Variants in ATP13A2 observed in about 807,000 individuals in gnomAD.
ATP13A2 encodes ATPase cation transporting 13A2.
Under a neutral mutation model 138.3 loss-of-function variants are expected in ATP13A2, and 83 were observed. The ratio of observed to expected loss-of-function variants is 0.60; its 90% CI spans 0.50 to 0.72. The LOEUF is 0.72. Among genes scored for constraint, ATP13A2 ranks in the 30% least tolerant of loss-of-function variants. The pLI is 0.00. For missense variants in ATP13A2, 1,402 were observed against 1,606.4 expected, an observed-to-expected ratio of 0.87 and a Z score of 2.17; for synonymous variants, 663 against 699.0, an observed-to-expected ratio of 0.95 and a Z score of 0.81.
At chr1:16,992,782 C>T (rs938765896) in intron 16 of ATP13A2, among the ~76,000 whole-genome samples, 1 of 152,266 alleles carries the variant, frequency 6.6e-6, no homozygotes, top group Non-Finnish European at 1.5e-5. Context: ...CACTCCAAAT[C>T]TCCCAGCCTC....
Position 16,986,306 on chromosome 1 carries a change from C to A in ATP13A2, c.3458G>T (p.Arg1153Leu). The change falls in exon 29 of 29, where the codon CGG (arginine) becomes CTG (leucine). Residue 1153 changes from arginine (R) to leucine (L), a missense_variant. By Grantham distance (102) the Arg-to-Leu change is moderately radical (BLOSUM62 -2). Transcript: ENST00000326735. The surrounding 1 kb of genome is among the most constrained non-coding windows in gnomAD (Gnocchi z 6.9). The part of the protein sequence containing the change: ...PACLRRLRPK[R>L]ASKKRFKQLE... ...CTGCTTGAAGCGCTTCTTGGAGGCC[C>A]GCTTGGGCCGGAGGCGGCGCAGGCA... is the stretch of plus-strand genomic sequence containing the variant. 1 of 1,594,276 alleles carries A rather than the reference C, an allele frequency of 6.3e-7. No homozygotes were observed. The highest frequency in any genetic ancestry group is 8.5e-7 in the Non-Finnish European group (1 of 1,171,652).
rs1377382460 is a variant in ATP13A2 at position 16,988,329 on chromosome 1, C to A, written c.2755G>T (p.Val919Phe). Residue 919 changes from valine to phenylalanine, a missense_variant, in exon 24 of 29, where the codon GTC becomes TTC. By Grantham distance (50) the Val-to-Phe change is conservative. Coordinates refer to ENST00000326735, the MANE Select transcript of ATP13A2 (RefSeq NM_022089.4). The stretch of plus-strand genomic sequence containing the variant: ...GGTCCCTGCCTGCCTTACCTGATGA[C>A]CATGGGCACGCACTCAATACTGGCC... ...SMASIECVPM[V>F]IREGRCSLDT... The A allele has an allele frequency of 6.2e-7, 1 of 1,614,228 alleles. No individual in the cohort carries two copies. The highest frequency in any genetic ancestry group is 1.1e-5 in the South Asian group (1 of 91,090).
chr1:17,004,383 T>C lies in ATP13A2; in HGVS notation c.506A>G (p.Gln169Arg). 6.2e-7 allele frequency: 1 copy of C among 1,613,812 alleles called. No homozygotes were observed. The highest frequency in any genetic ancestry group is 8.5e-7 in the Non-Finnish European group (1 of 1,179,964). The change falls in exon 6 of 29, where the codon CAG becomes CGG. Residue 169 changes from glutamine (Q) to arginine (R), a missense_variant. By Grantham distance (43) the Gln-to-Arg change is conservative. Transcript: ENST00000326735. This position sits in a 1 kb window ranked among gnomAD's most constrained non-coding sequence, Gnocchi z 4.1. ...CTCGATCCAGATATAGCGCTGGCCCTGGAAGAGGTAATACCGCAGCACCCG... is the reference window on the plus strand; with the variant it reads ...CTCGATCCAGATATAGCGCTGGCCCCGGAAGAGGTAATACCGCAGCACCCG... ...QKRVLRYYLF[Q>R]GQRYIWIETQ...
Position 16,989,708 on chromosome 1 carries a change from G to A in ATP13A2, c.2592C>T (p.Cys864=), listed in dbSNP as rs777472886. 7.9e-5 allele frequency: 127 copies of A among 1,613,958 alleles called. 2 individuals carry two copies. The South Asian group carries it at 1.3e-3, about 16-fold the overall frequency. The part of the protein sequence containing the change: ...MAPEQKTELV[C]ELQKLQYCVG... ...GCACTCACTGAAGCTTCTGTAGCTC[G>A]CACACCAGCTCTGTCTTCTGCTCAG... The change falls in exon 23 of 29, where the codon TGC becomes TGT. Residue 864 remains cysteine (C), a synonymous_variant. Coordinates refer to ENST00000326735, the MANE Select transcript of ATP13A2 (RefSeq NM_022089.4).
rs536064319 is a variant in ATP13A2 at position 17,008,676 on chromosome 1, C to T, written c.11-2898G>A. Among the ~76,000 whole-genome samples, 6 of 152,272 alleles carry T rather than the reference C, an allele frequency of 3.9e-5. No homozygotes were observed. In the South Asian group the frequency reaches 6.2e-4, roughly 16 times the overall value. On this transcript the variant is annotated intron_variant, in intron 1 of 28. Transcript: ENST00000326735. The stretch of plus-strand genomic sequence containing the variant: ...CCTTAAAACCCTCAGGCCGGCCGTG[C>T]GCAGTGGCTCACGCCTGTAATCCCA...
rs543059031 is a variant in ATP13A2 at position 17,011,551 on chromosome 1, G to A, written c.10+178C>T. On this transcript the variant is annotated intron_variant, in intron 1 of 28. Coordinates refer to ENST00000326735, the MANE Select transcript of ATP13A2 (RefSeq NM_022089.4). This position sits in a 1 kb window ranked among gnomAD's most constrained non-coding sequence, Gnocchi z 7.3. ...GCCCCGGCGTCTCTGGGAAGAAACC[G>A]GGGCCGAGTCCCCGTCAAAAGGGAG... Among the ~76,000 whole-genome samples, 3 of 152,120 alleles carry A rather than the reference G, an allele frequency of 2.0e-5. No homozygotes were observed. The highest frequency in any genetic ancestry group is 2.1e-4 in the South Asian group (1 of 4,830).
At chr1:16,996,342 G>A (rs771023588) in intron 13 of ATP13A2, 42 bp from the exon 14 acceptor site, 3 of 1,613,580 alleles carry the variant, frequency 1.9e-6, no homozygotes, top group Non-Finnish European at 2.5e-6. Context: ...TGGGACCCAG[G>A]TGGGGGGGGC....
At position 16,991,833 on chromosome 1, in the gene ATP13A2, G is replaced by A; in HGVS notation, c.2152C>T (p.Leu718Phe). 1 of 1,614,142 alleles carries A rather than the reference G, an allele frequency of 6.2e-7. No homozygotes were observed. The highest frequency in any genetic ancestry group is 8.5e-7 in the Non-Finnish European group (1 of 1,180,038). The change falls in exon 20 of 29, where the codon CTC (leucine) becomes TTC (phenylalanine). Residue 718 changes from leucine to phenylalanine, a missense_variant. Transcript: ENST00000326735. ...TTCCTCATGACCAGCAGCCCCAGGAGGCTCAGGTCTCCTTCCACAGTGTCC... is the reference window on the plus strand; with the variant it reads ...TTCCTCATGACCAGCAGCCCCAGGAAGCTCAGGTCTCCTTCCACAGTGTCC... ...TRDTVEGDLS[L>F]LGLLVMRNLL... is the part of the protein sequence containing the mutation.
At position 17,004,586 on chromosome 1, in the gene ATP13A2, G is replaced by A. The variant is rs2077480424; in HGVS notation, c.477+106C>T. The A allele has an allele frequency of 1.2e-6, 2 of 1,604,852 alleles. No individual in the cohort carries two copies. Among genetic ancestry groups the A allele is most frequent in the African/African-American group, 1.3e-5 (1 of 74,726 alleles). On this transcript the variant is annotated intron_variant, in intron 5 of 28. Coordinates refer to ENST00000326735, the MANE Select transcript of ATP13A2 (RefSeq NM_022089.4). This position sits in a 1 kb window ranked among gnomAD's most constrained non-coding sequence, Gnocchi z 4.1. ...CTCAGACAGCATCCTGGATGTTTGG[G>A]ACAACAGAACTAAAAGGTGGTGGGA... is the stretch of plus-strand genomic sequence containing the variant.
chr1:17,000,087 G>T lies in ATP13A2; in HGVS notation c.963C>A (p.Pro321=). The T allele has an allele frequency of 6.2e-7, 1 of 1,613,470 alleles. No individual in the cohort carries two copies. Among genetic ancestry groups the T allele is most frequent in the Non-Finnish European group, 8.5e-7 (1 of 1,179,970 alleles). The change falls in exon 11 of 29, where the codon CCC becomes CCA. Residue 321 remains proline (P), a synonymous_variant. Transcript: ENST00000326735. ...CACAGGGCATCAGCCCACCCTCCTG[G>T]GGCAGCACCAGGCAGTCTCCGGGCA... ...ELVPGDCLVL[P]QEGGLMPCDA... is the part of the protein sequence containing the mutation.
In ATP13A2 at chr1:17,004,913, G is replaced by C; in HGVS notation, c.348-92C>G. ...GAGCCATCTTCCCTCCCTAGGATGG[G>C]AGGCGCCAGAGTCAGCCTTTATGGG... On this transcript the variant is annotated intron_variant, in intron 4 of 28. Transcript: ENST00000326735. The surrounding 1 kb of genome is among the most constrained non-coding windows in gnomAD (Gnocchi z 4.1). 6.2e-7 allele frequency: 1 copy of C among 1,612,538 alleles called. No homozygotes were observed. Among genetic ancestry groups the C allele is most frequent in the Non-Finnish European group, 8.5e-7 (1 of 1,179,630 alleles).
In ATP13A2 at chr1:16,985,968, T is replaced by C; in HGVS notation, c.*253A>G. 2 of 1,439,136 alleles carry C rather than the reference T, an allele frequency of 1.4e-6. No homozygotes were observed. Among genetic ancestry groups the C allele is most frequent in the East Asian group, 2.6e-5 (1 of 38,934 alleles). The allele number at this position is 1,439,136 out of a possible 1,614,324, so 89.1% of individuals were successfully genotyped here. A position where few individuals can be genotyped will look rare whatever the true frequency, so the allele number is the denominator to read the frequency against. ...GACAGGCACAGCAGAGCCAGGAAAA[T>C]ATCATGACTTTATTTGCTACACTGA... On this transcript the variant is annotated 3_prime_UTR_variant, in exon 29 of 29. Transcript: ENST00000326735.
At position 17,004,796 on chromosome 1, in the gene ATP13A2, C is replaced by G. The variant is rs1248544066; in HGVS notation, c.373G>C (p.Ala125Pro). The G allele has an allele frequency of 1.2e-6, 2 of 1,614,002 alleles. No individual in the cohort carries two copies. Among genetic ancestry groups the G allele is most frequent in the Admixed American group, 3.3e-5 (2 of 60,024 alleles). Residue 125 changes from alanine (A) to proline (P), a missense_variant, in exon 5 of 29, where the codon GCA (alanine) becomes CCA (proline). Ala to Pro is a conservative substitution (Grantham distance 27). Coordinates refer to ENST00000326735, the MANE Select transcript of ATP13A2 (RefSeq NM_022089.4). The surrounding 1 kb of genome is among the most constrained non-coding windows in gnomAD (Gnocchi z 4.1). ...GSLEPSPQSQ[A>P]EDGRSQAAVG... Reference sequence around the variant, plus strand: ...GCCGCCTGGCTCCGGCCATCCTCTGCCTGGGACTGTGGGGACGGCTCCAGG... The same window carrying G: ...GCCGCCTGGCTCCGGCCATCCTCTGGCTGGGACTGTGGGGACGGCTCCAGG...
intron 15 of ATP13A2, among the ~76,000 whole-genome samples, chr1:16,994,326 G>A (rs1042565679): frequency 4.6e-5 from 7 of 151,928 alleles, no homozygotes; most frequent in Non-Finnish European, 1.0e-4. Flanking sequence ...TCCACCTCCC[G>A]GGTTCAAGTG....
chr1:16,997,555 C>T (rs2077187613), intron 11 of ATP13A2, among the ~76,000 whole-genome samples: 1 of 151,286 alleles, frequency 6.6e-6, no homozygotes, highest in African/African-American at 2.4e-5. Flanking sequence ...GAAATATTTA[C>T]AAGGGGCCAG....
intron 15 of ATP13A2, among the ~76,000 whole-genome samples, chr1:16,994,338 T>C (rs574810129): frequency 6.6e-6 from 1 of 152,144 alleles, no homozygotes; most frequent in South Asian, 2.1e-4. Context: ...GTTCAAGTGA[T>C]TCTCCTGCCT....
rs746292302 is a variant in ATP13A2 at position 16,997,104 on chromosome 1, G to C, written c.1111C>G (p.Arg371Gly). 5.0e-6 allele frequency: 8 copies of C among 1,613,746 alleles called. No homozygotes were observed. The highest frequency in any genetic ancestry group is 5.9e-6 in the Non-Finnish European group (7 of 1,180,020). The change falls in exon 12 of 29, where the codon CGG (arginine) becomes GGG (glycine). Residue 371 changes from arginine (R) to glycine (G), a missense_variant. Arg to Gly is a moderately radical substitution (Grantham distance 125). Coordinates refer to ENST00000326735, the MANE Select transcript of ATP13A2 (RefSeq NM_022089.4). ...LGPYCAETHR[R>G]HTLFCGTLIL... is the part of the protein sequence containing the mutation. ...AGGGTCCCGCAGAAGAGTGTGTGCC[G>C]CCGGTGTGTCTCTGCACAGTAGGGC...
rs2077773549 is a variant in ATP13A2, at chr1:17,011,160, T to G, written c.10+569A>C. ...TGGGCGTAGGACATCTGGCCAGGGATGGGTTGCATGGAGGGTGTGGCCCTT... is the reference window on the plus strand; with the variant it reads ...TGGGCGTAGGACATCTGGCCAGGGAGGGGTTGCATGGAGGGTGTGGCCCTT... On this transcript the variant is annotated intron_variant, in intron 1 of 28. Transcript: ENST00000326735. The surrounding 1 kb of genome is among the most constrained non-coding windows in gnomAD (Gnocchi z 7.3). Among the ~76,000 whole-genome samples, 1 of 151,818 alleles carries G rather than the reference T, an allele frequency of 6.6e-6. No homozygotes were observed. The highest frequency in any genetic ancestry group is 1.5e-5 in the Non-Finnish European group (1 of 67,928).
In ATP13A2 at chr1:17,000,538, G is replaced by T. The variant is rs2077315863; in HGVS notation, c.706-4C>A. On this transcript the variant is annotated splice_polypyrimidine_tract_variant and splice_region_variant and intron_variant, in intron 8 of 28. Coordinates refer to ENST00000326735, the MANE Select transcript of ATP13A2 (RefSeq NM_022089.4). ...ACCCATAGTAGGGGTTCAGTGCCTG[G>T]GGGAGGGGCGGGAGGCAGCGTCAGG... 5 of 1,612,956 alleles carry T rather than the reference G, an allele frequency of 3.1e-6. No individual in the cohort carries two copies. The highest frequency in any genetic ancestry group is 4.2e-6 in the Non-Finnish European group (5 of 1,179,254).
Sources: allele counts gnomAD v4.1 joint callset (sites outside exome capture counted in the v4.1 genomes callset), GRCh38; gene constraint gnomAD v4.1.1; non-coding constraint Gnocchi (gnomAD v3.1); transcripts MANE v1.5; gene names NCBI Gene and HGNC (gene_info 2026-07-23, HGNC 2026-07-21).